The following OTOA variants were observed in gnomAD, a reference collection of about 807,000 sequenced individuals.
OTOA encodes otoancorin.
Under a neutral mutation model 110.8 loss-of-function variants are expected in OTOA, and 70 were observed. The observed-to-expected ratio is 0.63, with a 90% CI of 0.52 to 0.77. OTOA has a LOEUF of 0.77. OTOA is among the 30% of genes least tolerant of loss of function. OTOA has a pLI of 0.00. For missense variants in OTOA, 917 were observed against 1,075.8 expected, an observed-to-expected ratio of 0.85 and a Z score of 2.06; for synonymous variants, 373 against 431.5, an observed-to-expected ratio of 0.86 and a Z score of 1.68.
intron 8 of OTOA, among the ~76,000 whole-genome samples, chr16:21,689,239 G>C (rs1897781026): frequency 6.6e-6 from 1 of 152,048 alleles, no homozygotes; most frequent in African/African-American, 2.4e-5. Context: ...ATAACAATGT[G>C]GGAGATTCCT....
intron 9 of OTOA, among the ~76,000 whole-genome samples, chr16:21,694,313 A>G (rs1317137953): frequency 6.6e-6 from 1 of 152,020 alleles, no homozygotes; most frequent in East Asian, 1.9e-4. Context: ...GTCCTGGTAC[A>G]TGCCTGTAGT....
chr16:21,679,240 G>A (rs1242678675), intron 5 of OTOA, 29 bp downstream of exon 5: 2 of 1,605,454 alleles, frequency 1.2e-6, no homozygotes, highest in Admixed American at 1.7e-5. Context: ...GAGGGGAAGG[G>A]ATGGTATAGA....
At chr16:21,724,420 G>T (rs17251122) in intron 18 of OTOA, among the ~76,000 whole-genome samples, 36,776 of 152,018 alleles carry the variant, frequency 0.24, 4,653 homozygotes, top group Non-Finnish European at 0.27. Flanking sequence ...ACACATGGGG[G>T]TATATCTGCA....
Position 21,716,947 on chromosome 16 carries a change from T to C in OTOA, c.1529T>C (p.Ile510Thr), listed in dbSNP as rs886084393. The change falls in exon 15 of 29, where the codon ATA becomes ACA. Residue 510 changes from isoleucine to threonine, a missense_variant. By Grantham distance (89) the Ile-to-Thr change is moderately conservative. Around this residue, in one of 6 missense-constraint regions of OTOA, gnomAD observed 840 missense variants for 910.2 expected, o/e 0.92. Transcript: ENST00000646100. ...GACACTGCCCCAGGCATCGTGGAGA[T>C]ACAAGGGGCTTTCTTTAAGGAAGTG... ...AEDTAPGIVE[I>T]QGAFFKEVSL... 1.9e-6 allele frequency: 3 copies of C among 1,613,924 alleles called. No individual in the cohort carries two copies. The highest frequency in any genetic ancestry group is 1.3e-5 in the African/African-American group (1 of 74,872).
chr16:21,756,547 A>T (rs1422633900), intron 27 of OTOA, among the ~76,000 whole-genome samples: 1 of 152,004 alleles, frequency 6.6e-6, no homozygotes, highest in Admixed American at 6.6e-5. Flanking sequence ...TTCCCCCTCC[A>T]CATCAGTGTT....
chr16:21,711,496 T>A (rs1445529137), intron 13 of OTOA, among the ~76,000 whole-genome samples: 1 of 151,932 alleles, frequency 6.6e-6, no homozygotes, highest in East Asian at 1.9e-4. Flanking sequence ...TGATACGGAG[T>A]CTTGCCCTTG....
At chr16:21,690,318 A>G (rs781205591) in intron 8 of OTOA, among the ~76,000 whole-genome samples, 1 of 151,854 alleles carries the variant, frequency 6.6e-6, no homozygotes, top group Non-Finnish European at 1.5e-5. Flanking sequence ...CATGCATTAG[A>G]TATTTTTCCT....
intron 5 of OTOA, 87 bp from the exon 6 acceptor site, chr16:21,681,651 A>T: frequency 9.0e-7 from 1 of 1,113,500 alleles, no homozygotes; most frequent in Non-Finnish European, 1.4e-6. Flanking sequence ...GTCCATCCCT[A>T]CCTGTCCCCT....
At position 21,719,522 on chromosome 16, in the gene OTOA, T is replaced by G; in HGVS notation, c.1806+18T>G. ...CCTATCAGGTACCGTTAAAGCATTT[T>G]CCAGCTTCTAATTCTCTCTCCCTAC... On this transcript the variant is annotated intron_variant, in intron 17 of 28. Coordinates refer to ENST00000646100, the MANE Select transcript of OTOA (RefSeq NM_144672.4). 2 of 1,605,362 alleles carry G rather than the reference T, an allele frequency of 1.2e-6. No homozygotes were observed.
intron 11 of OTOA, among the ~76,000 whole-genome samples, chr16:21,702,921 G>A (rs769579012): frequency 8.5e-5 from 13 of 152,066 alleles, no homozygotes; most frequent in Admixed American, 7.2e-4. Flanking sequence ...TGATCCGCCC[G>A]CCTCGGCCTC....
At position 21,705,244 on chromosome 16, in the gene OTOA, G is replaced by GTC. The variant is rs745836397; in HGVS notation, c.1056_1057insTC (p.Met353SerfsTer2). The GTC allele has an allele frequency of 6.2e-7, 1 of 1,614,174 alleles. No homozygotes were observed. The highest frequency in any genetic ancestry group is 2.2e-5 in the East Asian group (1 of 44,882). On this transcript the variant is annotated frameshift_variant, in exon 12 of 29. Coordinates refer to ENST00000646100, the MANE Select transcript of OTOA (RefSeq NM_144672.4). LOFTEE classifies it high-confidence loss of function. ...CTGTGGCTCAAGTCCTGCTTTACCA[G>GTC]ATGATCAAGTGCAGCCACCTGAGGG...
In OTOA at chr16:21,691,701, T is replaced by A. The variant is rs770098432; in HGVS notation, c.739+14T>A. ...CCAATGCCACTGGTGAGCCTGTACT[T>A]GGAGGTGGGGTCACTTTTTGGGGGA... On this transcript the variant is annotated intron_variant, in intron 9 of 28. Coordinates refer to ENST00000646100, the MANE Select transcript of OTOA (RefSeq NM_144672.4). The A allele has an allele frequency of 6.2e-7, 1 of 1,605,014 alleles. No individual in the cohort carries two copies. Among genetic ancestry groups the A allele is most frequent in the South Asian group, 1.1e-5 (1 of 90,778 alleles).
intron 8 of OTOA, among the ~76,000 whole-genome samples, chr16:21,690,763 G>A (rs1316782239): frequency 6.6e-6 from 1 of 151,644 alleles, no homozygotes; most frequent in African/African-American, 2.4e-5. Context: ...CTGAGGAATC[G>A]CTACACTGTC....
chr16:21,706,554 C>T (rs1211494013), intron 12 of OTOA, among the ~76,000 whole-genome samples: 1 of 152,126 alleles, frequency 6.6e-6, no homozygotes, highest in East Asian at 1.9e-4. Context: ...GTTCCCAAGA[C>T]CAGATGAGCA....
At chr16:21,666,085 A>G (rs1966839924) in intron 1 of OTOA, among the ~76,000 whole-genome samples, 1 of 152,000 alleles carries the variant, frequency 6.6e-6, no homozygotes, top group East Asian at 1.9e-4. Context: ...GGCCTCCCAA[A>G]GTGCTGGGGT....
intron 11 of OTOA, 186 bp downstream of exon 11, chr16:21,701,213 A>G: frequency 1.2e-6 from 1 of 833,108 alleles, no homozygotes; most frequent in Admixed American, 2.2e-5. Context: ...GAGGTTATGA[A>G]GCTGGGTGAA....
chr16:21,698,936 G>A (rs149034146), intron 10 of OTOA, among the ~76,000 whole-genome samples: 1 of 151,924 alleles, frequency 6.6e-6, no homozygotes, highest in East Asian at 1.9e-4. Context: ...ACTGCTAAAA[G>A]GGAATTTTAT....
At chr16:21,712,458 G>A (rs774046179) in intron 13 of OTOA, among the ~76,000 whole-genome samples, 16 of 152,096 alleles carry the variant, frequency 1.1e-4, no homozygotes, top group Non-Finnish European at 2.4e-4. Flanking sequence ...CAGCTTGAAG[G>A]AGGATATGGG....
In OTOA at chr16:21,716,942, G is replaced by T; in HGVS notation, c.1524G>T (p.Val508=). 6.2e-7 allele frequency: 1 copy of T among 1,613,974 alleles called. No homozygotes were observed. ...VQAEDTAPGI[V]EIQGAFFKEV... The stretch of plus-strand genomic sequence containing the variant: ...CGGAAGACACTGCCCCAGGCATCGT[G>T]GAGATACAAGGGGCTTTCTTTAAGG... The change falls in exon 15 of 29, where the codon GTG becomes GTT. Residue 508 remains valine (V), a synonymous_variant. Coordinates refer to ENST00000646100, the MANE Select transcript of OTOA (RefSeq NM_144672.4).
Sources: gnomAD v4.1 joint callset for allele counts (sites outside exome capture counted in the v4.1 genomes callset) on GRCh38, gnomAD v4.1.1 for gene constraint, gnomAD v4.1.1 regional missense constraint, MANE v1.5 for transcripts, NCBI Gene and HGNC (gene_info 2026-07-23, HGNC 2026-07-21) for gene names.